Variants in DLGAP2 observed in about 807,000 individuals in gnomAD.
The protein encoded by DLGAP2 is DLG associated protein 2.
Under a neutral mutation model 100.3 loss-of-function variants are expected in DLGAP2, and 26 were observed. The ratio of observed to expected loss-of-function variants is 0.26; its 90% CI spans 0.19 to 0.36. DLGAP2 has a LOEUF of 0.36. Among genes scored for constraint, DLGAP2 ranks in the 10% least tolerant of loss-of-function variants. The pLI is 1.00. For synonymous variants in DLGAP2, 886 were observed against 630.1 expected (o/e 1.41, Z -6.08); for missense variants, 1,858 against 1,453.2 (o/e 1.28, Z -4.53).
Position 1,632,874 on chromosome 8 carries a change from C to T in DLGAP2, c.1638C>T (p.Ser546=), listed in dbSNP as rs1458300838. The change falls in exon 8 of 15, where the codon TCC becomes TCT. Residue 546 remains serine (S), a synonymous_variant. Transcript: ENST00000637795. ...GGCAATTCGAGTCCGTGTGCGAGTC[C>T]GTCTTCAGTGAAGTTGAATCTCAGG... is the stretch of plus-strand genomic sequence containing the variant. ...INGQFESVCE[S]VFSEVESQAM... 5.0e-6 allele frequency: 8 copies of T among 1,613,816 alleles called. No individual in the cohort carries two copies. The highest frequency in any genetic ancestry group is 2.2e-5 in the East Asian group (1 of 44,874).
At chr8:1,212,032 C>G (rs191921452) in intron 2 of DLGAP2, among the ~76,000 whole-genome samples, 1 of 152,314 alleles carries the variant, frequency 6.6e-6, no homozygotes, top group East Asian at 1.9e-4. Flanking sequence ...ATTCACAGCG[C>G]TAAAGCCTAG....
intron 6 of DLGAP2, among the ~76,000 whole-genome samples, chr8:1,583,390 C>T (rs942045220): frequency 6.6e-6 from 1 of 151,090 alleles, no homozygotes; most frequent in African/African-American, 2.5e-5. Context: ...TTGCTCCACA[C>T]AGCGTAACAC....
At chr8:1,262,660 C>G (rs1432004955) in intron 3 of DLGAP2, 1 of 152,074 alleles carries the variant, frequency 6.6e-6, no homozygotes, top group African/African-American at 2.4e-5. Flanking sequence ...TTCCTGTTAC[C>G]TTTTAGATAA....
At chr8:1,136,956 T>C (rs758414592) in intron 2 of DLGAP2, among the ~76,000 whole-genome samples, 12 of 152,242 alleles carry the variant, frequency 7.9e-5, no homozygotes, top group Non-Finnish European at 1.5e-4. Context: ...GTAGTATGTC[T>C]GAAAAACTGT....
At chr8:1,142,561 G>A (rs1161264838) in intron 2 of DLGAP2, among the ~76,000 whole-genome samples, 4 of 152,220 alleles carry the variant, frequency 2.6e-5, no homozygotes, top group South Asian at 2.1e-4. Context: ...CATTTCTGAC[G>A]TGAAGAGCTG....
At chr8:935,260 C>A (rs778044590) in intron 2 of DLGAP2, among the ~76,000 whole-genome samples, 1 of 152,314 alleles carries the variant, frequency 6.6e-6, no homozygotes, top group Non-Finnish European at 1.5e-5. Context: ...TGCCTTGGAC[C>A]CAAAGCTGTG....
intron 2 of DLGAP2, among the ~76,000 whole-genome samples, chr8:996,785 A>G (rs575949193): frequency 2.0e-5 from 3 of 152,334 alleles, no homozygotes; most frequent in African/African-American, 4.8e-5. Flanking sequence ...GAGGAGAATC[A>G]TAAGTGTGAG....
chr8:1,392,026 C>T (rs538596838), intron 3 of DLGAP2, among the ~76,000 whole-genome samples: 7 of 152,098 alleles, frequency 4.6e-5, no homozygotes, highest in Admixed American at 1.3e-4. Flanking sequence ...CTGTTTGAAT[C>T]GCCTTATCTA....
chr8:1,105,106 A>C (rs1563194421), intron 2 of DLGAP2: 1 of 152,236 alleles, frequency 6.6e-6, no homozygotes, highest in Non-Finnish European at 1.5e-5. Flanking sequence ...AAGGAGGCCC[A>C]CGGGTGCCCC....
chr8:1,542,317 T>C (rs1801389675), intron 4 of DLGAP2, among the ~76,000 whole-genome samples: 1 of 152,248 alleles, frequency 6.6e-6, no homozygotes, highest in Admixed American at 6.5e-5. Context: ...TCAGTAGATT[T>C]ACAGGTATGT....
intron 2 of DLGAP2, among the ~76,000 whole-genome samples, chr8:931,709 C>A (rs958436342): frequency 6.6e-6 from 1 of 152,180 alleles, no homozygotes; most frequent in Admixed American, 6.5e-5. Context: ...TGGCTCCCAG[C>A]CCTTCTTACT....
intron 3 of DLGAP2, among the ~76,000 whole-genome samples, chr8:1,382,207 A>T (rs187487386): frequency 8.5e-5 from 13 of 152,358 alleles, no homozygotes; most frequent in Admixed American, 5.2e-4. Context: ...AAAGTAAGCT[A>T]GAGAAAGAAA....
intron 3 of DLGAP2, among the ~76,000 whole-genome samples, chr8:1,450,654 C>G (rs1474803971): frequency 6.6e-6 from 1 of 152,074 alleles, no homozygotes; most frequent in Admixed American, 6.5e-5. Flanking sequence ...ATCATTCCCA[C>G]TCTGCAATTA....
intron 2 of DLGAP2, among the ~76,000 whole-genome samples, chr8:1,025,743 G>A (rs1025896363): frequency 6.6e-6 from 1 of 152,170 alleles, no homozygotes; most frequent in African/African-American, 2.4e-5. Flanking sequence ...AAATGACAGG[G>A]GAGGCAGGGA....
intron 4 of DLGAP2, among the ~76,000 whole-genome samples, chr8:1,529,426 A>G (rs73672788): frequency 0.056 from 8,562 of 152,312 alleles, 787 homozygotes; most frequent in African/African-American, 0.19. Context: ...TTCATGCCAC[A>G]GATTATCTCA....
intron 3 of DLGAP2, among the ~76,000 whole-genome samples, chr8:1,420,510 C>G (rs948753296): frequency 1.2e-4 from 19 of 152,210 alleles, no homozygotes; most frequent in Admixed American, 1.1e-3. Context: ...AACTACAACT[C>G]TATGCATGTC....
chr8:1,196,306 A>T (rs1414898396), intron 2 of DLGAP2, among the ~76,000 whole-genome samples: 1 of 152,256 alleles, frequency 6.6e-6, no homozygotes, highest in Non-Finnish European at 1.5e-5. Flanking sequence ...CTGCAGTGAC[A>T]ACTATTTCCC....
In DLGAP2 at chr8:1,503,537, G is replaced by A. The variant is rs1417961512; in HGVS notation, c.172+2106G>A. Among the ~76,000 whole-genome samples, 3 of 152,204 alleles carry A rather than the reference G, an allele frequency of 2.0e-5. No individual in the cohort carries two copies. The East Asian group carries it at 5.8e-4, about 29-fold the overall frequency. On this transcript the variant is annotated intron_variant, in intron 4 of 14. Coordinates refer to ENST00000637795, the MANE Select transcript of DLGAP2 (RefSeq NM_001346810.2). ...TTCCTCCGTGGACAGACCCCGGGTC[G>A]CTTCTCCTTGGCCAGTGTGAATGGT...
intron 10 of DLGAP2, among the ~76,000 whole-genome samples, chr8:1,671,232 G>C (rs962436787): frequency 2.0e-5 from 3 of 152,290 alleles, no homozygotes; most frequent in African/African-American, 7.2e-5. Flanking sequence ...ATGATTCCGT[G>C]CCCTCAGGAG....
Sources: allele counts gnomAD v4.1 joint callset (sites outside exome capture counted in the v4.1 genomes callset), GRCh38; gene constraint gnomAD v4.1.1; transcripts MANE v1.5; gene names NCBI Gene and HGNC (gene_info 2026-07-23, HGNC 2026-07-21).